HEATR5B: variants seen among roughly 807,000 people sequenced by gnomAD.
HEATR5B encodes the protein HEAT repeat-containing protein 5B.
In HEATR5B, 156 loss-of-function variants were observed where a neutral mutation model predicts 224.1. That is an observed-to-expected ratio of 0.70 (90% CI 0.61 to 0.80). The LOEUF (loss-of-function observed/expected upper bound fraction) is 0.80. HEATR5B is among the 30% of genes least tolerant of loss of function. The pLI is 0.00. For missense variants in HEATR5B, 2,323 were observed against 2,535.5 expected (o/e 0.92, Z 1.80); for synonymous variants, 1,027 against 893.0 (o/e 1.15, Z -2.68).
At chr2:36,984,566 T>C (rs963468141) in intron 35 of HEATR5B, among the ~76,000 whole-genome samples, 1 of 152,026 alleles carries the variant, frequency 6.6e-6, no homozygotes, top group South Asian at 2.1e-4. Flanking sequence ...AGATCTAATG[T>C]AGGTTTAATA....
At chr2:37,018,092 T>A (rs186413989) in intron 26 of HEATR5B, among the ~76,000 whole-genome samples, 123 of 152,080 alleles carry the variant, frequency 8.1e-4, no homozygotes, top group African/African-American at 2.8e-3. Context: ...AAGGAACTTG[T>A]AACCTACTGC....
In HEATR5B at chr2:37,014,001, C is replaced by A; in HGVS notation, c.4124G>T (p.Gly1375Val). The A allele has an allele frequency of 1.2e-6, 2 of 1,601,520 alleles. No individual in the cohort carries two copies. Among genetic ancestry groups the A allele is most frequent in the Non-Finnish European group, 1.7e-6 (2 of 1,172,744 alleles). The change falls in exon 27 of 36, where the codon GGA (glycine) becomes GTA (valine). Residue 1375 changes from glycine (G) to valine (V), a missense_variant. Physicochemically the swap from Gly to Val is moderately radical, Grantham distance 109. This residue lies in a region of HEATR5B where 339 missense variants were observed against 378.4 expected (regional missense o/e 0.90). Transcript: ENST00000233099. ...KACQVCSTWI[G>V]SGVVSDLNDL... is the part of the protein sequence containing the mutation. Reference sequence around the variant, plus strand: ...ATTGAGATCACTGACAACTCCACTTCCTATCCATGTACTACATACCTAGAC... The same window carrying A: ...ATTGAGATCACTGACAACTCCACTTACTATCCATGTACTACATACCTAGAC...
At chr2:37,047,307 T>A (rs1326320277) in intron 18 of HEATR5B, among the ~76,000 whole-genome samples, 1 of 152,166 alleles carries the variant, frequency 6.6e-6, no homozygotes, top group Non-Finnish European at 1.5e-5. Context: ...TTTCTCTAAG[T>A]GAAATTATTA....
intron 30 of HEATR5B, among the ~76,000 whole-genome samples, chr2:37,004,499 T>C (rs77135313): frequency 0.022 from 3,389 of 151,954 alleles, 59 homozygotes; most frequent in South Asian, 0.039. Flanking sequence ...TCCTCCTCTA[T>C]GTATCTGGCT....
At chr2:37,036,955 T>C (rs187820527) in intron 21 of HEATR5B, among the ~76,000 whole-genome samples, 4 of 151,846 alleles carry the variant, frequency 2.6e-5, no homozygotes, top group Admixed American at 1.3e-4. Context: ...AACTTTACTA[T>C]GACAGAGGCT....
At chr2:37,019,909 ACT>A (rs745574056) in intron 25 of HEATR5B, 32 bp from the exon 26 acceptor site, 1 of 1,511,360 alleles carries the variant, frequency 6.6e-7, no homozygotes, top group South Asian at 1.1e-5. Flanking sequence ...TTTATTTTTT[ACT>A]TTTATTTTTT....
At chr2:36,991,319 G>C (rs548355323) in intron 33 of HEATR5B, among the ~76,000 whole-genome samples, 56 of 151,832 alleles carry the variant, frequency 3.7e-4, no homozygotes, top group Middle Eastern at 6.8e-3. Context: ...CTGAGGTTGG[G>C]AGTTCGAGAC....
At chr2:37,019,685 G>A in intron 26 of HEATR5B, 124 bp downstream of exon 26, 3 of 633,714 alleles carry the variant, frequency 4.7e-6, no homozygotes, top group South Asian at 3.9e-5. Flanking sequence ...TCAAACTCCT[G>A]AATTCAAGCG....
chr2:37,032,322 G>A (rs889393355), intron 22 of HEATR5B, among the ~76,000 whole-genome samples: 41 of 151,964 alleles, frequency 2.7e-4, no homozygotes, highest in African/African-American at 9.9e-4. Context: ...CTGGAGCACA[G>A]GGGCATGACC....
intron 2 of HEATR5B, among the ~76,000 whole-genome samples, chr2:37,082,566 C>T (rs976609260): frequency 6.6e-6 from 1 of 152,242 alleles, no homozygotes; most frequent in Non-Finnish European, 1.5e-5. Context: ...CTTAAAGGCG[C>T]TCTTAAACCA....
intron 22 of HEATR5B, 139 bp downstream of exon 22, chr2:37,032,490 A>T: frequency 2.4e-6 from 2 of 833,218 alleles, no homozygotes; most frequent in Non-Finnish European, 1.8e-6. Flanking sequence ...TTGGAATTTT[A>T]AAAGTGGTAA....
chr2:37,065,409 G>C (rs1248414928), intron 9 of HEATR5B, among the ~76,000 whole-genome samples: 1 of 151,876 alleles, frequency 6.6e-6, no homozygotes, highest in Admixed American at 6.6e-5. Flanking sequence ...TGCCTCCTGG[G>C]CTTAAGCAAT....
chr2:36,997,238 T>G (rs6733188), intron 33 of HEATR5B, among the ~76,000 whole-genome samples: 82,894 of 151,914 alleles, frequency 0.55, 22,845 homozygotes, highest in East Asian at 0.67. Flanking sequence ...AGACCAGAGT[T>G]CAGTGGCACC....
At chr2:37,075,156 CA>C (rs1558380780) in intron 5 of HEATR5B, among the ~76,000 whole-genome samples, 4 of 152,060 alleles carry the variant, frequency 2.6e-5, no homozygotes, top group African/African-American at 9.7e-5. Flanking sequence ...AAACTAGAAG[CA>C]ACTCAAATGT....
At chr2:37,025,451 T>C (rs1004394427) in intron 24 of HEATR5B, among the ~76,000 whole-genome samples, 2 of 150,718 alleles carry the variant, frequency 1.3e-5, no homozygotes, top group African/African-American at 2.4e-5. Context: ...CAGTGTTCTA[T>C]AAAAACCAGA....
At chr2:37,014,735 T>C (rs1303819101) in intron 26 of HEATR5B, among the ~76,000 whole-genome samples, 3 of 149,178 alleles carry the variant, frequency 2.0e-5, no homozygotes, top group African/African-American at 7.4e-5. Context: ...TCCTAGCACT[T>C]TGGGAGGCCA....
intron 16 of HEATR5B, among the ~76,000 whole-genome samples, chr2:37,055,480 A>G (rs903836806): frequency 5.9e-5 from 9 of 152,252 alleles, no homozygotes; most frequent in Middle Eastern, 3.2e-3. Flanking sequence ...TAGATGCTTT[A>G]TAAGATTCTT....
chr2:37,081,624 G>C (rs893773145), intron 2 of HEATR5B, among the ~76,000 whole-genome samples: 6 of 152,142 alleles, frequency 3.9e-5, no homozygotes, highest in Non-Finnish European at 8.8e-5. Flanking sequence ...GAATGGTTGA[G>C]AGTCTAATAA....
chr2:37,060,706 G>T lies in HEATR5B; in HGVS notation c.1724C>A (p.Pro575His). Residue 575 changes from proline (P) to histidine (H), a missense_variant, in exon 12 of 36, where the codon CCC (proline) becomes CAC (histidine). Transcript: ENST00000233099. ...LGPSVVRYHL[P>H]KMLLLWRNVF... Reference sequence around the variant, plus strand: ...ATTTCGCCACAATAACAACATCTTGGGCAGATGGTAACGAACGACAGATGG... The same window carrying T: ...ATTTCGCCACAATAACAACATCTTGTGCAGATGGTAACGAACGACAGATGG... The T allele has an allele frequency of 1.2e-6, 2 of 1,613,492 alleles. No homozygotes were observed. Among genetic ancestry groups the T allele is most frequent in the Non-Finnish European group, 1.7e-6 (2 of 1,179,722 alleles).
Sources: allele counts gnomAD v4.1 joint callset (sites outside exome capture counted in the v4.1 genomes callset), GRCh38; gene constraint gnomAD v4.1.1; regional missense constraint gnomAD v4.1.1; transcripts MANE v1.5; gene names NCBI Gene and HGNC (gene_info 2026-07-23, HGNC 2026-07-21).